CCDC170: variants seen among roughly 807,000 people sequenced by gnomAD.
CCDC170 encodes the protein coiled-coil domain-containing protein 170.
A neutral mutation model predicts 72.6 loss-of-function variants in CCDC170; 69 were observed. The observed-to-expected ratio is 0.95, with a 90% confidence interval of 0.78 to 1.16. The LOEUF is 1.16. CCDC170 is among the 50% of genes most tolerant of loss of function. CCDC170 has a pLI of 0.00. For synonymous variants in CCDC170, 300 were observed against 303.9 expected (o/e 0.99, Z 0.13); for missense variants, 852 against 832.5 (o/e 1.02, Z -0.29).
intron 8 of CCDC170, among the ~76,000 whole-genome samples, chr6:151,596,087 C>A (rs549535851): frequency 6.6e-5 from 10 of 152,202 alleles, no homozygotes; most frequent in African/African-American, 2.4e-4. Flanking sequence ...TAGAGAGCAT[C>A]AGATGTGGAA....
chr6:151,617,032 A>T (rs1025732208), intron 10 of CCDC170, among the ~76,000 whole-genome samples: 1 of 152,184 alleles, frequency 6.6e-6, no homozygotes, highest in African/African-American at 2.4e-5. Context: ...CTGCAAGGGA[A>T]GCGGGTTGCA....
intron 4 of CCDC170, among the ~76,000 whole-genome samples, chr6:151,545,290 G>GC (rs1782754003): frequency 6.6e-6 from 1 of 152,002 alleles, no homozygotes; most frequent in Non-Finnish European, 1.5e-5. Context: ...GTGGTGGCAG[G>GC]TGCCTGTAAT....
intron 6 of CCDC170, among the ~76,000 whole-genome samples, chr6:151,583,704 C>T (rs968529882): frequency 6.6e-6 from 1 of 152,160 alleles, no homozygotes; most frequent in Admixed American, 6.5e-5. Flanking sequence ...GTGATCCACC[C>T]AGTTTGGCCT....
At chr6:151,582,288 G>A (rs1776389079) in intron 6 of CCDC170, among the ~76,000 whole-genome samples, 1 of 152,170 alleles carries the variant, frequency 6.6e-6, no homozygotes, top group African/African-American at 2.4e-5. Context: ...TTCTACATCA[G>A]CACTTACTGC....
intron 8 of CCDC170, among the ~76,000 whole-genome samples, chr6:151,594,893 C>T (rs1018028498): frequency 2.6e-5 from 4 of 152,146 alleles, no homozygotes; most frequent in African/African-American, 7.2e-5. Flanking sequence ...TCAGGTGATC[C>T]ACCCGCCTTG....
At chr6:151,586,614 G>A (rs780811489) in intron 7 of CCDC170, among the ~76,000 whole-genome samples, 4 of 151,632 alleles carry the variant, frequency 2.6e-5, no homozygotes, top group Admixed American at 6.6e-5. Flanking sequence ...TTCAGAGGAC[G>A]CAAAATGGTG....
intron 1 of CCDC170, among the ~76,000 whole-genome samples, chr6:151,513,265 A>C (rs1263915301): frequency 6.6e-6 from 1 of 152,228 alleles, no homozygotes; most frequent in African/African-American, 2.4e-5. Context: ...GTATAACCCC[A>C]ATTATATTTT....
chr6:151,607,504 T>A (rs1403096406), intron 9 of CCDC170, among the ~76,000 whole-genome samples: 1 of 152,206 alleles, frequency 6.6e-6, no homozygotes, highest in Non-Finnish European at 1.5e-5. Context: ...CTGGTAAATA[T>A]CTTTTTGCTT....
In CCDC170 at chr6:151,591,746, C is replaced by T. The variant is rs181980352; in HGVS notation, c.1294-1361C>T. 6.6e-3 allele frequency among the ~76,000 whole-genome samples: 1,010 copies of T among 152,176 alleles called. 7 individuals are homozygous for T. The highest frequency in any genetic ancestry group is 0.023 in the African/African-American group (953 of 41,530). Reference sequence around the variant, plus strand: ...TCCTGACCTTGTGATCTGCCCTCCTCGGCCTCCCAAAGTGCTGGGATTACA... The same window carrying T: ...TCCTGACCTTGTGATCTGCCCTCCTTGGCCTCCCAAAGTGCTGGGATTACA... On this transcript the variant is annotated intron_variant, in intron 7 of 10. Coordinates refer to ENST00000239374, the MANE Select transcript of CCDC170 (RefSeq NM_025059.4).
At chr6:151,544,875 C>T (rs1782748170) in intron 4 of CCDC170, among the ~76,000 whole-genome samples, 159 bp downstream of exon 4, 2 of 152,104 alleles carry the variant, frequency 1.3e-5, no homozygotes, top group East Asian at 3.9e-4. Flanking sequence ...AGTCACGTCA[C>T]CTGCCTGAGC....
chr6:151,563,127 C>T (rs1273957498), intron 5 of CCDC170, among the ~76,000 whole-genome samples: 1 of 152,092 alleles, frequency 6.6e-6, no homozygotes, highest in Non-Finnish European at 1.5e-5. Context: ...CGGGATGGTG[C>T]CATTCTGTGT....
At chr6:151,566,522 G>GA (rs1267715409) in intron 5 of CCDC170, among the ~76,000 whole-genome samples, 2 of 151,710 alleles carry the variant, frequency 1.3e-5, no homozygotes, top group African/African-American at 4.8e-5. Context: ...TGAATGAACA[G>GA]AAAAAAATAT....
chr6:151,551,105 G>A lies in CCDC170; in HGVS notation c.774+2616G>A, dbSNP rs566613559. Among the ~76,000 whole-genome samples, 12 of 152,246 alleles carry A rather than the reference G, an allele frequency of 7.9e-5. No homozygotes were observed. In the South Asian group the frequency reaches 2.3e-3, roughly 29 times the overall value. On this transcript the variant is annotated intron_variant, in intron 5 of 10. Coordinates refer to ENST00000239374, the MANE Select transcript of CCDC170 (RefSeq NM_025059.4). ...ATATATAGAAAGAGTGAAGGAATAT[G>A]ACAATGATCACCCACCCACCATCCA...
At chr6:151,615,023 T>C (rs1776935290) in intron 9 of CCDC170, among the ~76,000 whole-genome samples, 1 of 152,190 alleles carries the variant, frequency 6.6e-6, no homozygotes, top group African/African-American at 2.4e-5. Context: ...GGGGCTCTCA[T>C]GGGATACAGC....
intron 6 of CCDC170, among the ~76,000 whole-genome samples, chr6:151,581,104 T>A (rs1776373646): frequency 6.6e-6 from 1 of 152,220 alleles, no homozygotes; most frequent in South Asian, 2.1e-4. Flanking sequence ...GGAGTGATGG[T>A]TCCTGAAGGT....
intron 8 of CCDC170, among the ~76,000 whole-genome samples, chr6:151,594,166 A>G (rs1776586661): frequency 1.3e-5 from 2 of 152,206 alleles, no homozygotes; most frequent in Non-Finnish European, 2.9e-5. Context: ...GAAAACACAG[A>G]TGTATTCTTA....
At chr6:151,601,140 G>C (rs1027101020) in intron 9 of CCDC170, among the ~76,000 whole-genome samples, 8 of 152,172 alleles carry the variant, frequency 5.3e-5, no homozygotes, top group Non-Finnish European at 1.0e-4. Context: ...CATGGCAGAA[G>C]GTTAAAGGCA....
intron 1 of CCDC170, among the ~76,000 whole-genome samples, chr6:151,527,685 G>T (rs1419450767): frequency 6.6e-6 from 1 of 152,072 alleles, no homozygotes; most frequent in Non-Finnish European, 1.5e-5. Context: ...GAAAGAGAGG[G>T]AGAGAGAAAT....
intron 1 of CCDC170, among the ~76,000 whole-genome samples, chr6:151,521,675 G>C (rs1359683423): frequency 2.0e-5 from 3 of 152,128 alleles, no homozygotes; most frequent in Non-Finnish European, 4.4e-5. Flanking sequence ...AAGAACAAAA[G>C]CATTCTTAGT....
Sources: allele counts gnomAD v4.1 joint callset (sites outside exome capture counted in the v4.1 genomes callset), GRCh38; gene constraint gnomAD v4.1.1; transcripts MANE v1.5; gene names NCBI Gene and HGNC (gene_info 2026-07-23, HGNC 2026-07-21).